Variants in ADCY1 observed in about 807,000 individuals in gnomAD.
ADCY1 encodes the protein adenylate cyclase type 1.
Under a neutral mutation model 105.4 loss-of-function variants are expected in ADCY1, and 28 were observed. The observed-to-expected ratio is 0.27, with a 90% confidence interval of 0.20 to 0.36. The LOEUF is 0.36. Ranked by LOEUF, ADCY1 falls within the 10% of genes least tolerant of loss-of-function variation. ADCY1 has a pLI of 1.00. For synonymous variants in ADCY1, 655 were observed against 623.8 expected, an observed-to-expected ratio of 1.05 and a Z score of -0.75; for missense variants, 977 against 1,434.2, an observed-to-expected ratio of 0.68 and a Z score of 5.15.
chr7:45,700,428 T>A (rs1784975912), intron 14 of ADCY1, among the ~76,000 whole-genome samples: 1 of 152,184 alleles, frequency 6.6e-6, no homozygotes, highest in African/African-American at 2.4e-5. Context: ...TCCTCTAACC[T>A]TGGGGCTGAA....
chr7:45,574,178 G>C, upstream of ADCY1: 2 of 974,586 alleles, frequency 2.1e-6, no homozygotes, highest in Non-Finnish European at 2.4e-6. The surrounding 1 kb of genome is among the most constrained non-coding windows in gnomAD (Gnocchi z 7.0). Flanking sequence ...GGCTCGGAGG[G>C]GACAAGGAAG....
chr7:45,676,713 C>T (rs955757768), intron 8 of ADCY1, among the ~76,000 whole-genome samples: 12 of 152,140 alleles, frequency 7.9e-5, no homozygotes, highest in African/African-American at 2.9e-4. Context: ...TCTCCACTCC[C>T]TGTTCAGGTT....
intron 11 of ADCY1, among the ~76,000 whole-genome samples, chr7:45,682,983 G>T (rs1784591018): frequency 6.6e-6 from 1 of 152,100 alleles, no homozygotes; most frequent in Non-Finnish European, 1.5e-5. Context: ...GTCAGGAAAT[G>T]GTGCCTGCTT....
chr7:45,714,331 T>C lies in ADCY1; in HGVS notation c.*336T>C, dbSNP rs571760939. On this transcript the variant is annotated 3_prime_UTR_variant, in exon 20 of 20. Transcript: ENST00000297323. The stretch of plus-strand genomic sequence containing the variant: ...AGGTTTGGCCAGGTCGGCATCAATG[T>C]AAGGACCTTCAGAGCATCCCAGGGT... 3.1e-6 allele frequency: 1 copy of C among 324,124 alleles called. No individual in the cohort carries two copies. Among genetic ancestry groups the C allele is most frequent in the South Asian group, 5.8e-5 (1 of 17,344 alleles). The allele number at this position is 324,124 out of a possible 1,614,324, so 20.1% of individuals were successfully genotyped here. A position where few individuals can be genotyped will look rare whatever the true frequency, so the allele number is the denominator to read the frequency against.
At chr7:45,700,489 A>G (rs1191708453) in intron 14 of ADCY1, among the ~76,000 whole-genome samples, 1 of 152,160 alleles carries the variant, frequency 6.6e-6, no homozygotes, top group African/African-American at 2.4e-5. Flanking sequence ...TTCCCTCTGC[A>G]CTTTCCCAAA....
chr7:45,575,800 G>C lies in ADCY1; in HGVS notation c.639+618G>C, dbSNP rs779853539. On this transcript the variant is annotated intron_variant, in intron 1 of 19. Transcript: ENST00000297323. This position sits in a 1 kb window ranked among gnomAD's most constrained non-coding sequence, Gnocchi z 4.7. Reference sequence around the variant, plus strand: ...AGTCTAGTCCCTGCCGCTGCCACTCGGCGGTTGCCCTGACCCTGCCTTTTC... The same window carrying C: ...AGTCTAGTCCCTGCCGCTGCCACTCCGCGGTTGCCCTGACCCTGCCTTTTC... Among the ~76,000 whole-genome samples the C allele has an allele frequency of 2.7e-4, 41 of 152,248 alleles. No individual in the cohort carries two copies. The highest frequency in any genetic ancestry group is 5.6e-4 in the Non-Finnish European group (38 of 68,044).
At chr7:45,596,059 C>T (rs1299680932) in intron 2 of ADCY1, among the ~76,000 whole-genome samples, 1 of 152,238 alleles carries the variant, frequency 6.6e-6, no homozygotes, top group African/African-American at 2.4e-5. Context: ...AGGCACTTTG[C>T]CCCTCAGCAT....
At chr7:45,610,835 G>A (rs1308439210) in intron 3 of ADCY1, among the ~76,000 whole-genome samples, 11 of 148,204 alleles carry the variant, frequency 7.4e-5, no homozygotes, top group Non-Finnish European at 9.0e-5. Flanking sequence ...TGATAGTGGA[G>A]GTGTGGAGGC....
intron 14 of ADCY1, among the ~76,000 whole-genome samples, chr7:45,699,247 G>A (rs1230782095): frequency 2.6e-5 from 4 of 152,182 alleles, no homozygotes; most frequent in Non-Finnish European, 5.9e-5. Context: ...TTCCATCCTG[G>A]TACAGCTGGC....
Position 45,718,380 on chromosome 7 carries a change from G to T in ADCY1, c.*4385G>T, listed in dbSNP as rs1349929064. ...GTCCCCATTCACCTTCCACAATGCT[G>T]GTACCATCCTGGTAGAAGAGCCCTC... On this transcript the variant is annotated 3_prime_UTR_variant, in exon 20 of 20. Coordinates refer to ENST00000297323, the MANE Select transcript of ADCY1 (RefSeq NM_021116.4). 1 of 152,212 alleles carries T rather than the reference G, an allele frequency of 6.6e-6. No homozygotes were observed. Among genetic ancestry groups the T allele is most frequent in the Non-Finnish European group, 1.5e-5 (1 of 68,054 alleles). The allele number at this position is 152,212 out of a possible 1,614,324, so 9.4% of individuals were successfully genotyped here.
chr7:45,574,828 C>A lies in ADCY1; in HGVS notation c.285C>A (p.His95Gln), dbSNP rs1484270252. The A allele has an allele frequency of 1.9e-6, 3 of 1,609,998 alleles. No homozygotes were observed. The highest frequency in any genetic ancestry group is 1.7e-5 in the Admixed American group (1 of 59,972). ...CGCCCGGCCTGGCCAAGGGCTCACACCCGGTGCACTGCGTCCTCTTCCTGG... is the reference window on the plus strand; with the variant it reads ...CGCCCGGCCTGGCCAAGGGCTCACAACCGGTGCACTGCGTCCTCTTCCTGG... The part of the protein sequence containing the change: ...GPAPGLAKGS[H>Q]PVHCVLFLAL... Residue 95 changes from histidine to glutamine, a missense_variant, in exon 1 of 20, where the codon CAC becomes CAA. Physicochemically the swap from His to Gln is conservative, Grantham distance 24. Coordinates refer to ENST00000297323, the MANE Select transcript of ADCY1 (RefSeq NM_021116.4). This position sits in a 1 kb window ranked among gnomAD's most constrained non-coding sequence, Gnocchi z 7.0.
chr7:45,642,106 A>G (rs188518581), intron 4 of ADCY1, among the ~76,000 whole-genome samples: 18 of 152,220 alleles, frequency 1.2e-4, no homozygotes, highest in African/African-American at 4.3e-4. Context: ...CCTGTAGACC[A>G]GAGGGCATGC....
intron 17 of ADCY1, among the ~76,000 whole-genome samples, chr7:45,706,492 C>CAAAAAAAAAAAAAAAAAAA (rs58794109): frequency 6.7e-5 from 4 of 59,462 alleles, no homozygotes; most frequent in Admixed American, 2.3e-4. Context: ...ACATCACATG[C>CAAAAAAAAAAAAAAAAAAA]AAAAAAAAAA....
chr7:45,632,866 C>G (rs887500945), intron 4 of ADCY1, among the ~76,000 whole-genome samples: 1 of 151,972 alleles, frequency 6.6e-6, no homozygotes, highest in Non-Finnish European at 1.5e-5. Flanking sequence ...CCACCATGCT[C>G]GGCCAATGTA....
At chr7:45,589,321 T>C (rs552439711) in intron 1 of ADCY1, among the ~76,000 whole-genome samples, 2 of 152,212 alleles carry the variant, frequency 1.3e-5, no homozygotes, top group African/African-American at 4.8e-5. Context: ...GGTGTGCAGA[T>C]GGCCCGGGCC....
chr7:45,662,623 T>C (rs371644174), intron 8 of ADCY1, among the ~76,000 whole-genome samples: 283 of 152,264 alleles, frequency 1.9e-3, no homozygotes, highest in African/African-American at 6.5e-3. Flanking sequence ...GTGCCTCATC[T>C]GTCTGTGCCT....
chr7:45,637,790 C>A (rs1210438663), intron 4 of ADCY1, among the ~76,000 whole-genome samples: 1 of 152,180 alleles, frequency 6.6e-6, no homozygotes, highest in Non-Finnish European at 1.5e-5. Context: ...GTGATGAACT[C>A]TTTCAGTTTT....
At chr7:45,673,852 T>C (rs1784405277) in intron 8 of ADCY1, among the ~76,000 whole-genome samples, 1 of 151,518 alleles carries the variant, frequency 6.6e-6, no homozygotes, top group Non-Finnish European at 1.5e-5. Context: ...AATTAGATTA[T>C]TGATTTGAGA....
Position 45,720,934 on chromosome 7 carries a change from TG to T in ADCY1, c.*6943del, listed in dbSNP as rs1785461201. On this transcript the variant is annotated 3_prime_UTR_variant, in exon 20 of 20. Transcript: ENST00000297323. ...TGAAGAATCTGAGGCCCAGAGAGGTTGGGGACTTGAGTAAAGTCACACAGCC... is the reference window on the plus strand; with the variant it reads ...TGAAGAATCTGAGGCCCAGAGAGGTTGGGACTTGAGTAAAGTCACACAGCC... The T allele has an allele frequency of 6.6e-6, 1 of 152,262 alleles. No homozygotes were observed. The highest frequency in any genetic ancestry group is 6.5e-5 in the Admixed American group (1 of 15,284). 9.4% of individuals were successfully genotyped at this position (152,262 alleles called of 1,614,324 possible).
Sources: gnomAD v4.1 joint callset for allele counts (sites outside exome capture counted in the v4.1 genomes callset) on GRCh38, gnomAD v4.1.1 for gene constraint, Gnocchi (gnomAD v3.1) non-coding constraint, MANE v1.5 for transcripts, NCBI Gene and HGNC (gene_info 2026-07-23, HGNC 2026-07-21) for gene names.